SNTB1: variants seen among roughly 807,000 people sequenced by gnomAD.
SNTB1 encodes syntrophin beta 1, also known as beta-1-syntrophin.
In SNTB1, 36 loss-of-function variants were observed where a neutral mutation model predicts 48.9. The ratio of observed to expected loss-of-function variants is 0.74; its 90% CI spans 0.56 to 0.97. The LOEUF (loss-of-function observed/expected upper bound fraction) is 0.97. Among genes scored for constraint, SNTB1 ranks in the 50% least tolerant of loss-of-function variants. The pLI, the probability that SNTB1 is intolerant of heterozygous loss-of-function variation, is 0.00. For synonymous variants in SNTB1, 299 were observed against 294.6 expected (o/e 1.01, Z -0.15); for missense variants, 786 against 703.4 (o/e 1.12, Z -1.33).
chr8:120,695,238 A>G (rs1818192871), intron 1 of SNTB1, among the ~76,000 whole-genome samples: 1 of 152,226 alleles, frequency 6.6e-6, no homozygotes, highest in Non-Finnish European at 1.5e-5. Context: ...CAGATCTTTG[A>G]TGAATCGGTT....
Position 120,690,596 on chromosome 8 carries a change from A to G in SNTB1, c.788+3096T>C, listed in dbSNP as rs556401829. ...TTCAGCCTGCATTTTACCTTGTCTT[A>G]TATCAAGATCAAAATCAATGCTTTC... On this transcript the variant is annotated intron_variant, in intron 2 of 6. Transcript: ENST00000517992. Among the ~76,000 whole-genome samples the G allele has an allele frequency of 1.1e-3, 165 of 152,242 alleles. 1 individual carries two copies. Among genetic ancestry groups the G allele is most frequent in the African/African-American group, 3.7e-3 (153 of 41,540 alleles).
At chr8:120,692,158 G>C (rs958663105) in intron 2 of SNTB1, among the ~76,000 whole-genome samples, 3 of 152,134 alleles carry the variant, frequency 2.0e-5, no homozygotes, top group Admixed American at 6.5e-5. Context: ...TAGGGAGAGC[G>C]GGGTAGAAAG....
intron 2 of SNTB1, among the ~76,000 whole-genome samples, chr8:120,646,215 G>A (rs1002168515): frequency 1.0e-4 from 14 of 133,714 alleles, no homozygotes; most frequent in Admixed American, 8.4e-4. Context: ...AATAGGAGTG[G>A]TGAGAGAGGG....
At chr8:120,742,575 A>C (rs1819057862) in intron 1 of SNTB1, among the ~76,000 whole-genome samples, 1 of 152,214 alleles carries the variant, frequency 6.6e-6, no homozygotes, top group East Asian at 1.9e-4. Flanking sequence ...AAGGTACAGC[A>C]TAAGTTCTCC....
intron 2 of SNTB1, among the ~76,000 whole-genome samples, chr8:120,675,436 A>G (rs1373014266): frequency 5.3e-5 from 8 of 152,214 alleles, no homozygotes; most frequent in Admixed American, 4.6e-4. Context: ...ACAAAAGTTT[A>G]TGAAAATAAT....
chr8:120,665,588 A>C (rs1187800846), intron 2 of SNTB1, among the ~76,000 whole-genome samples: 1 of 152,148 alleles, frequency 6.6e-6, no homozygotes, highest in Non-Finnish European at 1.5e-5. Flanking sequence ...AATGAAATCC[A>C]ATTTATCAAT....
chr8:120,777,060 C>A (rs1461990998), intron 1 of SNTB1, among the ~76,000 whole-genome samples: 1 of 152,154 alleles, frequency 6.6e-6, no homozygotes, highest in Non-Finnish European at 1.5e-5. Context: ...ATTTCTACCA[C>A]TAGATTTAGA....
Position 120,693,790 on chromosome 8 carries a change from CG to C in SNTB1, c.689del (p.Pro230ArgfsTer47), listed in dbSNP as rs762352897. On this transcript the variant is annotated frameshift_variant, in exon 2 of 7. Transcript: ENST00000517992. LOFTEE classifies it high-confidence loss of function. ...TGTGGAAGGAGAAGGACTGCGATGA[CG>C]GGGGGTCTGAGGTGCTGCCCCCTAA... is the stretch of plus-strand genomic sequence containing the variant. ...PRLGGSTSDP[P>X]SSQSFSFHRD... 7.4e-6 allele frequency: 12 copies of C among 1,613,874 alleles called. No individual in the cohort carries two copies. Among genetic ancestry groups the C allele is most frequent in the Middle Eastern group, 1.6e-4 (1 of 6,080 alleles).
chr8:120,758,586 C>T (rs1271501392), intron 1 of SNTB1, among the ~76,000 whole-genome samples: 1 of 152,148 alleles, frequency 6.6e-6, no homozygotes, highest in Non-Finnish European at 1.5e-5. Context: ...TGGACAAGAT[C>T]TGCTGGGTGG....
intron 3 of SNTB1, among the ~76,000 whole-genome samples, chr8:120,592,965 C>G (rs927147818): frequency 2.6e-5 from 4 of 152,184 alleles, no homozygotes; most frequent in African/African-American, 7.2e-5. Flanking sequence ...TTTCCCCACA[C>G]CCCGTTCCCA....
At chr8:120,595,224 C>T (rs62526667) in intron 3 of SNTB1, among the ~76,000 whole-genome samples, 12,847 of 152,122 alleles carry the variant, frequency 0.084, 774 homozygotes, top group Non-Finnish European at 0.13. Flanking sequence ...GGGCTGCATT[C>T]CCAGATGGTT....
intron 2 of SNTB1, among the ~76,000 whole-genome samples, chr8:120,686,726 T>G (rs79695244): frequency 1.3e-5 from 2 of 152,214 alleles, no homozygotes; most frequent in Non-Finnish European, 2.9e-5. Context: ...CCAGAATAAC[T>G]GCAACTCTAG....
intron 1 of SNTB1, among the ~76,000 whole-genome samples, chr8:120,714,862 A>G (rs1318074422): frequency 6.6e-6 from 1 of 152,200 alleles, no homozygotes; most frequent in African/African-American, 2.4e-5. Context: ...TCCTGCAGAA[A>G]CAACATCTGT....
At chr8:120,574,156 C>A (rs781007614) in intron 4 of SNTB1, among the ~76,000 whole-genome samples, 1 of 152,228 alleles carries the variant, frequency 6.6e-6, no homozygotes, top group South Asian at 2.1e-4. Context: ...TATGAGGAAT[C>A]TAAAATGACG....
chr8:120,547,317 T>G (rs1000674270), intron 5 of SNTB1, among the ~76,000 whole-genome samples: 3 of 152,002 alleles, frequency 2.0e-5, no homozygotes, highest in Admixed American at 1.3e-4. Flanking sequence ...TTTTTCAGGA[T>G]GGGTGAGGTG....
At chr8:120,745,330 A>G (rs1046292212) in intron 1 of SNTB1, among the ~76,000 whole-genome samples, 5 of 151,948 alleles carry the variant, frequency 3.3e-5, no homozygotes, top group Admixed American at 6.6e-5. Context: ...TTGGTTACAT[A>G]ACCTGGGTCA....
rs77174096 is a variant in SNTB1 at position 120,590,995 on chromosome 8, C to T, written c.997-15770G>A. On this transcript the variant is annotated intron_variant, in intron 3 of 6. Coordinates refer to ENST00000517992, the MANE Select transcript of SNTB1 (RefSeq NM_021021.4). ...ACACTGTGCCCTGCCTCATTATAGGCTTCAACCTAACACATATCACTTTCA... is the reference window on the plus strand; with the variant it reads ...ACACTGTGCCCTGCCTCATTATAGGTTTCAACCTAACACATATCACTTTCA... Among the ~76,000 whole-genome samples, 467 of 152,200 alleles carry T rather than the reference C, an allele frequency of 3.1e-3. 2 individuals are homozygous for T. The highest frequency in any genetic ancestry group is 0.011 in the African/African-American group (445 of 41,530).
rs1482822661 is a variant in SNTB1, at chr8:120,536,039, C to T, written c.*2838G>A. 1 of 152,172 alleles carries T rather than the reference C, an allele frequency of 6.6e-6. No homozygotes were observed. Among genetic ancestry groups the T allele is most frequent in the Non-Finnish European group, 1.5e-5 (1 of 68,034 alleles). 9.4% of individuals were successfully genotyped at this position (152,172 alleles called of 1,614,324 possible). A position where few individuals can be genotyped will look rare whatever the true frequency, so the allele number is the denominator to read the frequency against. ...ATGTGTTTTCAGGGTTTTAATTGCACTAGTTGATGAATTAAGTAAATGCCT... is the reference window on the plus strand; with the variant it reads ...ATGTGTTTTCAGGGTTTTAATTGCATTAGTTGATGAATTAAGTAAATGCCT... On this transcript the variant is annotated 3_prime_UTR_variant, in exon 7 of 7. Coordinates refer to ENST00000517992, the MANE Select transcript of SNTB1 (RefSeq NM_021021.4).
rs1179718528 is a variant in SNTB1, at chr8:120,788,789, T to TAGTGGAGG, written c.571+22476_571+22483dup. Among the ~76,000 whole-genome samples the TAGTGGAGG allele has an allele frequency of 7.9e-5, 12 of 152,158 alleles. No individual in the cohort carries two copies. The South Asian group carries it at 8.3e-4, about 11-fold the overall frequency. On this transcript the variant is annotated intron_variant, in intron 1 of 6. Transcript: ENST00000517992. ...AAAGAAATAGTCAGCAGCACAATAA[T>TAGTGGAGG]AGTGGAGGACTTCAACACTCCATTG...
Sources: allele counts gnomAD v4.1 joint callset (sites outside exome capture counted in the v4.1 genomes callset), GRCh38; gene constraint gnomAD v4.1.1; transcripts MANE v1.5; gene names NCBI Gene and HGNC (gene_info 2026-07-23, HGNC 2026-07-21).